Variants in SDCCAG8 observed in about 807,000 individuals in gnomAD.
SDCCAG8 encodes the protein serologically defined colon cancer antigen 8.
In SDCCAG8, 74 loss-of-function variants were observed where a neutral mutation model predicts 101.8. The ratio of observed to expected loss-of-function variants is 0.73; its 90% CI spans 0.60 to 0.88. SDCCAG8 has a LOEUF of 0.88. Among genes scored for constraint, SDCCAG8 ranks in the 40% least tolerant of loss-of-function variants. The pLI, the probability that SDCCAG8 is intolerant of heterozygous loss-of-function variation, is 0.00. For synonymous variants in SDCCAG8, 281 were observed against 292.9 expected (o/e 0.96, Z 0.41); for missense variants, 787 against 822.6 (o/e 0.96, Z 0.53).
intron 14 of SDCCAG8, among the ~76,000 whole-genome samples, chr1:243,417,202 A>G (rs1443785319): frequency 1.3e-5 from 2 of 152,218 alleles, no homozygotes; most frequent in Non-Finnish European, 2.9e-5. Context: ...TTTTCCTCTA[A>G]AAACAAAAAG....
chr1:243,417,559 G>T (rs973761841), intron 14 of SDCCAG8, among the ~76,000 whole-genome samples: 1 of 152,150 alleles, frequency 6.6e-6, no homozygotes, highest in African/African-American at 2.4e-5. Flanking sequence ...CAGTGTAGAA[G>T]AGAATTCCTC....
At chr1:243,363,363 C>CACA (rs1247282461) in intron 12 of SDCCAG8, among the ~76,000 whole-genome samples, 3 of 152,214 alleles carry the variant, frequency 2.0e-5, no homozygotes, top group African/African-American at 7.2e-5. Flanking sequence ...GTGACAGAAG[C>CACA]TTGCCTTGAT....
intron 13 of SDCCAG8, among the ~76,000 whole-genome samples, chr1:243,397,584 A>C (rs190098540): frequency 7.0e-6 from 1 of 143,828 alleles, no homozygotes; most frequent in Admixed American, 7.5e-5. Context: ...TATCTAAGAA[A>C]TTTGCAATGT....
intron 13 of SDCCAG8, among the ~76,000 whole-genome samples, chr1:243,379,610 A>G (rs1474711725): frequency 1.3e-5 from 2 of 152,136 alleles, no homozygotes; most frequent in Non-Finnish European, 2.9e-5. Flanking sequence ...GAGAAAGTAG[A>G]TATTTCACTT....
Position 243,477,031 on chromosome 1 carries a change from C to CAGAGAG in SDCCAG8, c.1986-11982_1986-11981insGAGAGA, listed in dbSNP as rs1420213719. Among the ~76,000 whole-genome samples the CAGAGAG allele has an allele frequency of 3.9e-3, 564 of 146,204 alleles. 5 individuals are homozygous for CAGAGAG. The highest frequency in any genetic ancestry group is 0.014 in the African/African-American group (528 of 37,610). The stretch of plus-strand genomic sequence containing the variant: ...ACACACACACACACACACACACACA[C>CAGAGAG]ACAGAGAGAAAGGCAGGAGAGCGTA... On this transcript the variant is annotated intron_variant, in intron 16 of 17. Transcript: ENST00000366541.
chr1:243,322,875 G>T (rs1004701509), intron 9 of SDCCAG8, among the ~76,000 whole-genome samples: 1 of 151,582 alleles, frequency 6.6e-6, no homozygotes, highest in Non-Finnish European at 1.5e-5. Flanking sequence ...AGTGGCTCAC[G>T]CCTGTAATCT....
chr1:243,266,902 A>G (rs1558204897), intron 1 of SDCCAG8, among the ~76,000 whole-genome samples: 1 of 140,144 alleles, frequency 7.1e-6, no homozygotes, highest in East Asian at 2.2e-4. Flanking sequence ...AGACTGCACT[A>G]CTTGCACTCC....
chr1:243,459,454 C>T (rs1413676317), intron 16 of SDCCAG8, among the ~76,000 whole-genome samples: 2 of 151,036 alleles, frequency 1.3e-5, no homozygotes, highest in South Asian at 2.1e-4. Flanking sequence ...AGGTTCAGCA[C>T]GTTCTGCCAG....
At chr1:243,428,240 G>A (rs951087279) in intron 16 of SDCCAG8, among the ~76,000 whole-genome samples, 1 of 152,192 alleles carries the variant, frequency 6.6e-6, no homozygotes, top group Non-Finnish European at 1.5e-5. Context: ...CCGAATGAAG[G>A]TCAGGTGGCA....
intron 11 of SDCCAG8, among the ~76,000 whole-genome samples, chr1:243,341,744 C>T (rs1297240227): frequency 3.3e-5 from 5 of 152,168 alleles, no homozygotes; most frequent in South Asian, 2.1e-4. Flanking sequence ...ATCACTGGTT[C>T]GTGAATCAAG....
At chr1:243,495,783 C>T (rs1558554380) in intron 17 of SDCCAG8, among the ~76,000 whole-genome samples, 1 of 152,166 alleles carries the variant, frequency 6.6e-6, no homozygotes. Context: ...GCGTTGGTGG[C>T]GAGCCAGAGC....
At chr1:243,485,887 G>T (rs1384424215) in intron 16 of SDCCAG8, among the ~76,000 whole-genome samples, 2 of 131,998 alleles carry the variant, frequency 1.5e-5, no homozygotes, top group Admixed American at 1.6e-4. Flanking sequence ...GCAAGACTTC[G>T]TATCAAGAAA....
intron 1 of SDCCAG8, chr1:243,267,345 C>T: frequency 4.1e-6 from 1 of 242,162 alleles, no homozygotes; most frequent in Admixed American, 5.1e-5. Flanking sequence ...GCCTGTAATC[C>T]CAAGACTTTT....
At chr1:243,423,110 G>A (rs371294540) in intron 15 of SDCCAG8, among the ~76,000 whole-genome samples, 1 of 152,060 alleles carries the variant, frequency 6.6e-6, no homozygotes. Flanking sequence ...AAAAATGGAA[G>A]TTGGTAGGCA....
intron 12 of SDCCAG8, among the ~76,000 whole-genome samples, chr1:243,360,031 CTGAGCATTTTT>C (rs1211176538): frequency 6.6e-6 from 1 of 151,880 alleles, no homozygotes; most frequent in Non-Finnish European, 1.5e-5. Context: ...ATGAATGGTA[CTGAGCATTTTT>C]TCAGATGCTT....
At chr1:243,461,640 T>G (rs1659126921) in intron 16 of SDCCAG8, among the ~76,000 whole-genome samples, 1 of 152,208 alleles carries the variant, frequency 6.6e-6, no homozygotes, top group African/African-American at 2.4e-5. Context: ...TCTGCTGAGT[T>G]CTGACATTTA....
At chr1:243,447,983 C>T (rs1421786773) in intron 16 of SDCCAG8, among the ~76,000 whole-genome samples, 1 of 152,152 alleles carries the variant, frequency 6.6e-6, no homozygotes, top group Non-Finnish European at 1.5e-5. Flanking sequence ...TCATCTTTCA[C>T]CCTTCCTGTC....
At chr1:243,296,718 T>G (rs1329484550) in intron 6 of SDCCAG8, among the ~76,000 whole-genome samples, 1 of 151,608 alleles carries the variant, frequency 6.6e-6, no homozygotes, top group Non-Finnish European at 1.5e-5. Context: ...AATTTTTTTT[T>G]GTATTTTTAG....
chr1:243,478,956 CAAAAAAA>C (rs148382740), intron 16 of SDCCAG8, among the ~76,000 whole-genome samples: 2 of 94,726 alleles, frequency 2.1e-5, no homozygotes, highest in Admixed American at 1.2e-4. Flanking sequence ...GACTCTGTCT[CAAAAAAA>C]AAAAAAAAAA....
Sources: gnomAD v4.1 joint callset for allele counts (sites outside exome capture counted in the v4.1 genomes callset) on GRCh38, gnomAD v4.1.1 for gene constraint, MANE v1.5 for transcripts, NCBI Gene and HGNC (gene_info 2026-07-23, HGNC 2026-07-21) for gene names.